Variants in NUP93 observed in about 807,000 individuals in gnomAD.
NUP93 encodes nuclear pore complex protein Nup93.
In NUP93, 55 loss-of-function variants were observed where a neutral mutation model predicts 107.8. That is an observed-to-expected ratio of 0.51 (90% confidence interval 0.41 to 0.64). NUP93 has a LOEUF of 0.64. Among genes scored for constraint, NUP93 ranks in the 30% least tolerant of loss-of-function variants. The probability of loss-of-function intolerance (pLI) is 0.00; values close to 1 mark genes in which losing one functional copy is unlikely to be tolerated. For synonymous variants in NUP93, 390 were observed against 397.5 expected (o/e 0.98, Z 0.22); for missense variants, 937 against 1,044.7 (o/e 0.90, Z 1.42).
intron 5 of NUP93, among the ~76,000 whole-genome samples, chr16:56,813,260 A>G (rs1963354048): frequency 6.6e-6 from 1 of 152,220 alleles, no homozygotes. Context: ...CATCTCTCAA[A>G]TCAGGATATG....
intron 2 of NUP93, among the ~76,000 whole-genome samples, chr16:56,756,631 T>C (rs999765231): frequency 6.6e-6 from 1 of 152,180 alleles, no homozygotes; most frequent in Non-Finnish European, 1.5e-5. Flanking sequence ...TATAGTAGAA[T>C]GATTTATAAT....
At chr16:56,834,498 C>G (rs1963870533) in intron 15 of NUP93, 56 bp downstream of exon 15, 1 of 1,560,928 alleles carries the variant, frequency 6.4e-7, no homozygotes, top group Non-Finnish European at 8.8e-7. Context: ...ATGTCCCATG[C>G]TCATTCCGTA....
chr16:56,821,428 C>T, intron 6 of NUP93, 76 bp from the exon 7 acceptor site: 1 of 1,000,532 alleles, frequency 1.0e-6, no homozygotes, highest in Non-Finnish European at 1.6e-6. Context: ...TTCTGCCGGC[C>T]ATTGCCTGCT....
At chr16:56,832,495 C>T (rs1317156585) in intron 12 of NUP93, 107 bp downstream of exon 12, 3 of 803,310 alleles carry the variant, frequency 3.7e-6, no homozygotes, top group African/African-American at 1.7e-5. Context: ...GTCTTTCTTC[C>T]AAAACTCCTA....
Position 56,830,620 on chromosome 16 carries a change from A to C in NUP93, c.1020A>C (p.Arg340=). ...TTGCCGCTTCACAGGTAGTTAATCG[A>C]GCCCAGCACCAGCTGGGAGAGTTTA... The part of the protein sequence containing the change: ...DLLAASQVVN[R]AQHQLGEFKT... Residue 340 remains arginine, a synonymous_variant, in exon 10 of 22, where the codon CGA becomes CGC. Coordinates refer to ENST00000308159, the MANE Select transcript of NUP93 (RefSeq NM_014669.5). 1 of 1,610,284 alleles carries C rather than the reference A, an allele frequency of 6.2e-7. No individual in the cohort carries two copies. The highest frequency in any genetic ancestry group is 1.1e-5 in the South Asian group (1 of 90,890).
intron 1 of NUP93, among the ~76,000 whole-genome samples, chr16:56,746,751 T>C (rs184576246): frequency 6.6e-6 from 1 of 152,284 alleles, no homozygotes; most frequent in African/African-American, 2.4e-5. Flanking sequence ...AAAAAGCTGG[T>C]AGTGTCACCC....
At chr16:56,797,133 G>A (rs1962918301) in intron 3 of NUP93, among the ~76,000 whole-genome samples, 1 of 151,878 alleles carries the variant, frequency 6.6e-6, no homozygotes, top group African/African-American at 2.4e-5. Context: ...AGCAGGGTGT[G>A]GTGGTGCATG....
chr16:56,758,730 C>T, intron 3 of NUP93, 75 bp downstream of exon 3: 1 of 947,028 alleles, frequency 1.1e-6, no homozygotes, highest in South Asian at 1.3e-5. Context: ...TATTAACTAG[C>T]AGATTGAGGA....
Position 56,823,808 on chromosome 16 carries a change from G to A in NUP93, c.756G>A (p.Met252Ile), listed in dbSNP as rs756587288. The A allele has an allele frequency of 1.2e-6, 2 of 1,614,050 alleles. No homozygotes were observed. The highest frequency in any genetic ancestry group is 1.7e-5 in the Admixed American group (1 of 60,008). ...ACCGCAGCAGCGTGGAAGTGCGCAT[G>A]GAGTTTGTCAGGCAGGCCTTGGCGT... ...LKNRSSVEVR[M>I]EFVRQALAYL... The change falls in exon 8 of 22, where the codon ATG becomes ATA. Residue 252 changes from methionine (M) to isoleucine (I), a missense_variant. By Grantham distance (10) the Met-to-Ile change is conservative. Transcript: ENST00000308159.
intron 3 of NUP93, among the ~76,000 whole-genome samples, chr16:56,779,752 C>A (rs185808821): frequency 8.3e-4 from 127 of 152,174 alleles, no homozygotes; most frequent in African/African-American, 2.9e-3. Context: ...AAAGAAATAC[C>A]CTCTTAATTT....
At chr16:56,800,186 AAAAT>A (rs1366349012) in intron 4 of NUP93, among the ~76,000 whole-genome samples, 1 of 152,228 alleles carries the variant, frequency 6.6e-6, no homozygotes, top group African/African-American at 2.4e-5. Context: ...CTGTCTCAAA[AAAAT>A]AAATAAAATC....
intron 8 of NUP93, among the ~76,000 whole-genome samples, chr16:56,828,367 A>G (rs540258901): frequency 9.2e-5 from 14 of 152,220 alleles, no homozygotes; most frequent in Middle Eastern, 3.4e-3. Context: ...TATTTTTGAT[A>G]ATAATAAATT....
At chr16:56,793,985 G>A (rs889877296) in intron 3 of NUP93, among the ~76,000 whole-genome samples, 1 of 152,058 alleles carries the variant, frequency 6.6e-6, no homozygotes, top group East Asian at 1.9e-4. Context: ...GAACCCGGGA[G>A]GTGGAGGTGC....
chr16:56,747,926 G>C, intron 1 of NUP93: 1 of 183,738 alleles, frequency 5.4e-6, no homozygotes, highest in Non-Finnish European at 1.1e-5. Flanking sequence ...TACCTGCTTT[G>C]AGTCTGTGGA....
At chr16:56,837,422 G>A (rs1226551319) in intron 17 of NUP93, among the ~76,000 whole-genome samples, 186 bp from the exon 18 acceptor site, 1 of 152,194 alleles carries the variant, frequency 6.6e-6, no homozygotes, top group African/African-American at 2.4e-5. Context: ...AATTAGTCAG[G>A]CATAGTGGTG....
intron 3 of NUP93, among the ~76,000 whole-genome samples, chr16:56,766,694 A>C (rs1962221932): frequency 6.6e-6 from 1 of 152,198 alleles, no homozygotes; most frequent in Non-Finnish European, 1.5e-5. Flanking sequence ...TGTTCGATCC[A>C]AAGCTGTGCA....
intron 3 of NUP93, among the ~76,000 whole-genome samples, chr16:56,797,003 G>A (rs796105421): frequency 8.6e-5 from 13 of 151,168 alleles, no homozygotes; most frequent in Admixed American, 5.9e-4. Context: ...GGCTGGGTGC[G>A]GTGGCTTACG....
At chr16:56,762,840 A>AG (rs1962149890) in intron 3 of NUP93, among the ~76,000 whole-genome samples, 1 of 152,114 alleles carries the variant, frequency 6.6e-6, no homozygotes, top group Non-Finnish European at 1.5e-5. Flanking sequence ...TCCTTGGCTT[A>AG]GGGCAGGGTA....
intron 4 of NUP93, 159 bp from the exon 5 acceptor site, chr16:56,805,345 G>C: frequency 1.3e-6 from 1 of 748,592 alleles, no homozygotes; most frequent in Non-Finnish European, 2.1e-6. Context: ...ACCACGCTCA[G>C]CCAGTAAATT....
Sources: gnomAD v4.1 joint callset for allele counts (sites outside exome capture counted in the v4.1 genomes callset) on GRCh38, gnomAD v4.1.1 for gene constraint, MANE v1.5 for transcripts, NCBI Gene and HGNC (gene_info 2026-07-23, HGNC 2026-07-21) for gene names.